The following GSE1 variants were observed in gnomAD, a reference collection of about 807,000 sequenced individuals.
The protein encoded by GSE1 is Gse1 coiled-coil protein, also known as genetic suppressor element 1.
GSE1 carries 32 observed loss-of-function variants against 112.6 expected under a neutral mutation model. The observed-to-expected ratio is 0.28, with a 90% CI of 0.21 to 0.38. GSE1 has a LOEUF of 0.38. GSE1 is among the 10% of genes least tolerant of loss of function. GSE1 has a pLI of 1.00. For synonymous variants in GSE1, 1,115 were observed against 735.6 expected, an observed-to-expected ratio of 1.52 and a Z score of -8.35; for missense variants, 2,348 against 1,699.2, an observed-to-expected ratio of 1.38 and a Z score of -6.71.
chr16:85,617,579 C>T (rs1422203344), intron 1 of GSE1, among the ~76,000 whole-genome samples: 2 of 127,388 alleles, frequency 1.6e-5, no homozygotes, highest in African/African-American at 6.1e-5. Context: ...GCAGCCTGGG[C>T]ATCCGTGTGT....
At chr16:85,482,251 C>G (rs2050702829) in intron 2 of GSE1, among the ~76,000 whole-genome samples, 1 of 152,240 alleles carries the variant, frequency 6.6e-6, no homozygotes, top group African/African-American at 2.4e-5. Flanking sequence ...CCAGAACATG[C>G]TGGGACTCAC....
chr16:85,456,579 CGTGTGTGTGTGTGTGTGTGTGTGTGTGT>C (rs35279881), intron 2 of GSE1, among the ~76,000 whole-genome samples: 23 of 91,476 alleles, frequency 2.5e-4, no homozygotes, highest in Admixed American at 4.4e-4. Context: ...ATTTTCCTGC[CGTGTGTGTGTGTGTGTGTGTGTGTGTGT>C]GTGTGTGTGT....
chr16:85,596,943 G>A (rs939636207), intron 1 of GSE1, among the ~76,000 whole-genome samples: 1 of 152,102 alleles, frequency 6.6e-6, no homozygotes, highest in Admixed American at 6.5e-5. Context: ...GGCTGAGGCA[G>A]AAGAATGGCT....
At chr16:85,606,486 C>T (rs889834553), upstream of GSE1, among the ~76,000 whole-genome samples, 14 of 152,334 alleles carry the variant, frequency 9.2e-5, no homozygotes, top group South Asian at 2.1e-4. Flanking sequence ...GAACGGAGGG[C>T]TTCAGGCCAC....
intron 2 of GSE1, among the ~76,000 whole-genome samples, chr16:85,415,519 C>A (rs1038799760): frequency 6.6e-6 from 1 of 152,246 alleles, no homozygotes; most frequent in African/African-American, 2.4e-5. Context: ...CCTGGCTCTG[C>A]TCCCCGAAGG....
At chr16:85,277,540 G>A (rs1294181399) in intron 1 of GSE1, among the ~76,000 whole-genome samples, 2 of 152,124 alleles carry the variant, frequency 1.3e-5, no homozygotes, top group Non-Finnish European at 2.9e-5. Flanking sequence ...AAAAAACTCC[G>A]GTGTTGCCTG....
chr16:85,170,423 C>T lies in GSE1; in HGVS notation c.899C>T (p.Ala300Val), dbSNP rs116618113. Residue 300 changes from alanine to valine, a missense_variant, in exon 1 of 3, where the codon GCC (alanine) becomes GTC (valine). Physicochemically the swap from Ala to Val is moderately conservative, Grantham distance 64. Coordinates refer to the GSE1 transcript ENST00000637419. The stretch of plus-strand genomic sequence containing the variant: ...ATGAAAGGGCCTCCCTCTGGCAGAG[C>T]CACTAAGACCCTGGAGAGCAGGCCG... 1,674 of 985,546 alleles carry T rather than the reference C, an allele frequency of 1.7e-3. 20 individuals are homozygous for T. The African/African-American group carries it at 0.027, about 16-fold the overall frequency. 61.1% of individuals were successfully genotyped at this position (985,546 alleles called of 1,614,324 possible). A position where few individuals can be genotyped will look rare whatever the true frequency, so the allele number is the denominator to read the frequency against.
intron 2 of GSE1, among the ~76,000 whole-genome samples, chr16:85,517,489 C>T (rs2051989671): frequency 1.3e-5 from 2 of 152,168 alleles, no homozygotes; most frequent in African/African-American, 4.8e-5. Context: ...GACACTGGGG[C>T]CTCAGCCCAG....
At position 85,311,059 on chromosome 16, in the gene GSE1, CAAG is replaced by C. The variant is rs1293384451; in HGVS notation, c.2284-46400_2284-46398del. 2.0e-5 allele frequency among the ~76,000 whole-genome samples: 3 copies of C among 152,334 alleles called. No individual in the cohort carries two copies. Among genetic ancestry groups the C allele is most frequent in the South Asian group, 2.1e-4 (1 of 4,826 alleles). On this transcript the variant is annotated intron_variant, in intron 1 of 2. Transcript: ENST00000637419. This position sits in a 1 kb window ranked among gnomAD's most constrained non-coding sequence, Gnocchi z 4.2. ...CCGTCAGCAATGGCCATGGCTCTGT[CAAG>C]AAGGATTATCTCGTCCTCCAGCAGG...
chr16:85,394,058 G>A (rs926247196), intron 2 of GSE1, among the ~76,000 whole-genome samples: 6 of 152,138 alleles, frequency 3.9e-5, no homozygotes, highest in Admixed American at 2.0e-4. Context: ...ACCAGGCGTC[G>A]ATACCGTTCG....
chr16:85,581,418 G>A (rs953950228), intron 1 of GSE1, among the ~76,000 whole-genome samples: 2 of 152,168 alleles, frequency 1.3e-5, no homozygotes, highest in Admixed American at 6.5e-5. Context: ...GGGTGGGAAG[G>A]GTCTCTGCTG....
At chr16:85,294,545 G>A (rs994785874) in intron 1 of GSE1, among the ~76,000 whole-genome samples, 2 of 151,908 alleles carry the variant, frequency 1.3e-5, no homozygotes, top group African/African-American at 2.4e-5. Context: ...TCTCAACAGT[G>A]TGGGGCTGAA....
intron 2 of GSE1, among the ~76,000 whole-genome samples, chr16:85,647,662 C>G (rs1048589429): frequency 2.0e-5 from 3 of 152,164 alleles, no homozygotes; most frequent in Non-Finnish European, 4.4e-5. Flanking sequence ...TCTCTGCTCA[C>G]CAGAACCTCC....
At chr16:85,292,981 C>T (rs1330494698) in intron 1 of GSE1, among the ~76,000 whole-genome samples, 1 of 152,168 alleles carries the variant, frequency 6.6e-6, no homozygotes, top group Non-Finnish European at 1.5e-5. Context: ...ATACAAGCCA[C>T]ATGTTTTAAG....
At chr16:85,463,791 C>T (rs534884385) in intron 2 of GSE1, among the ~76,000 whole-genome samples, 13 of 152,246 alleles carry the variant, frequency 8.5e-5, no homozygotes, top group South Asian at 4.1e-4. Flanking sequence ...TGAGTCCCAT[C>T]GGAGAGAGGG....
intron 2 of GSE1, among the ~76,000 whole-genome samples, chr16:85,639,746 C>T (rs2050290584): frequency 6.6e-6 from 1 of 152,260 alleles, no homozygotes; most frequent in Non-Finnish European, 1.5e-5. Context: ...GTGGAGCCTC[C>T]ACCGCCGCCC....
intron 2 of GSE1, among the ~76,000 whole-genome samples, chr16:85,635,192 C>A (rs183750110): frequency 5.7e-4 from 87 of 152,254 alleles, no homozygotes; most frequent in South Asian, 1.9e-3. Flanking sequence ...TCTGCTGCTG[C>A]TCGTTGGAGA....
chr16:85,507,872 G>A (rs1160139356), intron 2 of GSE1, among the ~76,000 whole-genome samples: 4 of 152,256 alleles, frequency 2.6e-5, no homozygotes, highest in Non-Finnish European at 4.4e-5. Flanking sequence ...AAATGGATGC[G>A]TCATATTCAT....
At position 85,655,008 on chromosome 16, in the gene GSE1, G is replaced by A. The variant is rs80256882; in HGVS notation, c.797+17G>A. 1.5e-3 allele frequency: 2,243 copies of A among 1,482,834 alleles called. 42 individuals are homozygous for A. The East Asian group carries it at 0.039, about 26-fold the overall frequency. The allele number at this position is 1,482,834 out of a possible 1,614,324, so 91.9% of individuals were successfully genotyped here. A position where few individuals can be genotyped will look rare whatever the true frequency, so the allele number is the denominator to read the frequency against. On this transcript the variant is annotated intron_variant, in intron 5 of 15. Transcript: ENST00000253458. Reference sequence around the variant, plus strand: ...GGCCTTCAGGTGAGGCATCCCCCACGCGCCCTCTCGTCTAGGTGCTGGCCT... The same window carrying A: ...GGCCTTCAGGTGAGGCATCCCCCACACGCCCTCTCGTCTAGGTGCTGGCCT...
Sources: gnomAD v4.1 joint callset for allele counts (sites outside exome capture counted in the v4.1 genomes callset) on GRCh38, gnomAD v4.1.1 for gene constraint, Gnocchi (gnomAD v3.1) non-coding constraint, MANE v1.5 for transcripts, NCBI Gene and HGNC (gene_info 2026-07-23, HGNC 2026-07-21) for gene names.